The following APBA2 variants were observed in gnomAD, a reference collection of about 807,000 sequenced individuals.
APBA2 encodes amyloid beta precursor protein binding family A member 2.
In APBA2, 30 loss-of-function variants were observed where a neutral mutation model predicts 75.0. The ratio of observed to expected loss-of-function variants is 0.40; its 90% confidence interval spans 0.30 to 0.54. The LOEUF is 0.54. APBA2 is among the 20% of genes least tolerant of loss of function. The pLI is 0.49. For missense variants in APBA2, 801 were observed against 1,016.1 expected (o/e 0.79, Z 2.88); for synonymous variants, 444 against 409.6 (o/e 1.08, Z -1.01).
At chr15:29,115,030 AGG>A (rs2152985963) in intron 14 of APBA2, among the ~76,000 whole-genome samples, 1 of 151,418 alleles carries the variant, frequency 6.6e-6, no homozygotes, top group African/African-American at 2.4e-5. Context: ...GGGTGTGTGA[AGG>A]GGTGTTCAGC....
chr15:28,967,768 T>C (rs1382303883), intron 2 of APBA2, among the ~76,000 whole-genome samples: 1 of 152,174 alleles, frequency 6.6e-6, no homozygotes, highest in Admixed American at 6.5e-5. Flanking sequence ...GTATTTTAAT[T>C]TTTAGTTCTT....
intron 6 of APBA2, among the ~76,000 whole-genome samples, chr15:29,084,552 G>A (rs1350434671): frequency 6.6e-6 from 1 of 152,058 alleles, no homozygotes; most frequent in East Asian, 1.9e-4. Flanking sequence ...TAGGAGTTCT[G>A]TTTTTAAAAA....
chr15:28,940,581 A>G lies in APBA2; in HGVS notation c.-95+18832A>G, dbSNP rs1405728897. Among the ~76,000 whole-genome samples the G allele has an allele frequency of 2.0e-5, 3 of 151,484 alleles. No individual in the cohort carries two copies. The South Asian group carries it at 6.2e-4, about 32-fold the overall frequency. On this transcript the variant is annotated intron_variant, in intron 2 of 14. Coordinates refer to ENST00000683413, the MANE Select transcript of APBA2 (RefSeq NM_001353788.2). ...AAAAAAGAAAAAAAAAAAAGAAAAG[A>G]AAAAGAAAAACAAAGCCTCTGGAAT...
Position 29,117,139 on chromosome 15 carries a change from C to G in APBA2, c.*6C>G. 1 of 1,612,868 alleles carries G rather than the reference C, an allele frequency of 6.2e-7. No homozygotes were observed. The highest frequency in any genetic ancestry group is 1.1e-5 in the South Asian group (1 of 91,072). On this transcript the variant is annotated 3_prime_UTR_variant, in exon 15 of 15. Coordinates refer to ENST00000683413, the MANE Select transcript of APBA2 (RefSeq NM_001353788.2). ...AGACCCCGCTGTACATCTAGGCCAC[C>G]CCAGCCTGGCCACGCAGCCAGGACA...
Position 28,936,309 on chromosome 15 carries a change from C to T in APBA2, c.-95+14560C>T, listed in dbSNP as rs147893396. Among the ~76,000 whole-genome samples, 105 of 152,268 alleles carry T rather than the reference C, an allele frequency of 6.9e-4. No homozygotes were observed. The Middle Eastern group carries it at 0.014, about 20-fold the overall frequency. On this transcript the variant is annotated intron_variant, in intron 2 of 14. Transcript: ENST00000683413. ...CCCAGCCTGCTGTCCTTCTGTGACC[C>T]GCCAGCCAGCTTTGCTTAGGGAGCT...
intron 13 of APBA2, among the ~76,000 whole-genome samples, chr15:29,108,996 G>A (rs2044588639): frequency 6.6e-6 from 1 of 152,176 alleles, no homozygotes; most frequent in Non-Finnish European, 1.5e-5. Flanking sequence ...TGACTGGCCT[G>A]AATTCTTTTT....
chr15:28,936,834 G>A (rs556415582), intron 2 of APBA2, among the ~76,000 whole-genome samples: 1 of 152,300 alleles, frequency 6.6e-6, no homozygotes, highest in South Asian at 2.1e-4. Flanking sequence ...GGAGGCAGGG[G>A]CCCTGCTGGG....
intron 1 of APBA2, among the ~76,000 whole-genome samples, chr15:28,905,714 TG>T (rs2033099445): frequency 6.6e-6 from 1 of 152,230 alleles, no homozygotes; most frequent in South Asian, 2.1e-4. Context: ...TTAAAAATGC[TG>T]TCTTCTAGCA....
At chr15:29,043,613 C>A (rs1053717928) in intron 3 of APBA2, among the ~76,000 whole-genome samples, 5 of 152,210 alleles carry the variant, frequency 3.3e-5, no homozygotes, top group African/African-American at 9.6e-5. Flanking sequence ...GTGAATAAAT[C>A]ATAACAATAC....
At chr15:28,915,058 C>A (rs1201259587) in intron 1 of APBA2, among the ~76,000 whole-genome samples, 4 of 142,842 alleles carry the variant, frequency 2.8e-5, no homozygotes, top group Admixed American at 2.8e-4. Context: ...TCACACACAC[C>A]ACACACATAC....
intron 4 of APBA2, among the ~76,000 whole-genome samples, chr15:29,072,734 G>A (rs572725643): frequency 2.0e-4 from 30 of 152,226 alleles, no homozygotes; most frequent in African/African-American, 7.2e-4. Flanking sequence ...ACCAGAGCCG[G>A]GCCTTTGGTC....
intron 3 of APBA2, among the ~76,000 whole-genome samples, chr15:29,010,159 C>T (rs1035490530): frequency 2.0e-5 from 3 of 152,130 alleles, no homozygotes; most frequent in African/African-American, 2.4e-5. Flanking sequence ...ATATCTCTTT[C>T]GAATACTTGT....
chr15:29,011,683 C>A (rs1007761121), intron 3 of APBA2, among the ~76,000 whole-genome samples: 3 of 152,014 alleles, frequency 2.0e-5, no homozygotes, highest in African/African-American at 7.2e-5. Context: ...ATTTTTACTT[C>A]TTTGTTATAT....
chr15:29,113,842 G>A lies in APBA2; in HGVS notation c.2038-34G>A, dbSNP rs753890763. On this transcript the variant is annotated intron_variant, in intron 13 of 14. Transcript: ENST00000683413. ...GTGGAGCGCCTGTCGGGTGTGGCGG[G>A]AACACGTGTGCTGACCTGGCCATGT... 9 of 1,586,934 alleles carry A rather than the reference G, an allele frequency of 5.7e-6. No individual in the cohort carries two copies. The South Asian group carries it at 1.0e-4, about 18-fold the overall frequency.
At chr15:28,953,355 G>A (rs554608045) in intron 2 of APBA2, among the ~76,000 whole-genome samples, 1 of 152,230 alleles carries the variant, frequency 6.6e-6, no homozygotes, top group South Asian at 2.1e-4. Flanking sequence ...CATTGAAACA[G>A]CTGCCTTCCG....
At chr15:28,912,953 G>A (rs940849446) in intron 1 of APBA2, among the ~76,000 whole-genome samples, 4 of 152,234 alleles carry the variant, frequency 2.6e-5, no homozygotes, top group African/African-American at 9.6e-5. Flanking sequence ...TGTGTGCTAG[G>A]CACTGCGGTG....
At chr15:29,114,163 G>A (rs1161073696) in intron 14 of APBA2, 147 bp downstream of exon 14, 18 of 1,260,814 alleles carry the variant, frequency 1.4e-5, no homozygotes, top group Non-Finnish European at 2.3e-6. Flanking sequence ...TGACAAGGGT[G>A]AATGGAGCGG....
At chr15:29,104,750 A>G (rs1052355724) in intron 10 of APBA2, among the ~76,000 whole-genome samples, 1 of 152,180 alleles carries the variant, frequency 6.6e-6, no homozygotes, top group African/African-American at 2.4e-5. Flanking sequence ...CCCGGAAAAC[A>G]CACTGAAAGT....
rs2041359066 is a variant in APBA2, at chr15:29,046,834, A to T, written c.-40-7011A>T. Among the ~76,000 whole-genome samples the T allele has an allele frequency of 6.6e-6, 1 of 152,238 alleles. No individual in the cohort carries two copies. Among genetic ancestry groups the T allele is most frequent in the African/African-American group, 2.4e-5 (1 of 41,474 alleles). On this transcript the variant is annotated intron_variant, in intron 3 of 14. Transcript: ENST00000683413. The surrounding 1 kb of genome is among the most constrained non-coding windows in gnomAD (Gnocchi z 5.0). ...CTGCAGGGATGCAATTTGCATACAT[A>T]GCCAGGGACAGTGTCATCTGGCCAC...
Sources: gnomAD v4.1 joint callset for allele counts (sites outside exome capture counted in the v4.1 genomes callset) on GRCh38, gnomAD v4.1.1 for gene constraint, Gnocchi (gnomAD v3.1) non-coding constraint, MANE v1.5 for transcripts, NCBI Gene and HGNC (gene_info 2026-07-23, HGNC 2026-07-21) for gene names.